Variants in STARD13 observed in about 807,000 individuals in gnomAD.
STARD13 encodes StAR related lipid transfer domain containing 13, also known as stAR-related lipid transfer protein 13.
In STARD13, 62 loss-of-function variants were observed where a neutral mutation model predicts 106.4. The observed-to-expected ratio is 0.58, with a 90% CI of 0.48 to 0.72. The LOEUF (loss-of-function observed/expected upper bound fraction) is 0.72, where lower values mean the gene tolerates loss of function less well. Among genes scored for constraint, STARD13 ranks in the 30% least tolerant of loss-of-function variants. STARD13 has a pLI of 0.00. For missense variants in STARD13, 1,387 were observed against 1,424.0 expected, an observed-to-expected ratio of 0.97 and a Z score of 0.42; for synonymous variants, 565 against 553.0, an observed-to-expected ratio of 1.02 and a Z score of -0.31.
At chr13:33,494,822 G>T in the STARD13 span, among the ~76,000 whole-genome samples, 1 of 152,100 alleles carries the variant, frequency 6.6e-6, no homozygotes, top group South Asian at 2.1e-4. Context: ...CTCTATAGAG[G>T]TCACAATGTC....
At chr13:33,223,702 G>A (rs1888475526) in intron 1 of STARD13, among the ~76,000 whole-genome samples, 1 of 152,000 alleles carries the variant, frequency 6.6e-6, no homozygotes, top group African/African-American at 2.4e-5. Context: ...AGTTAAAAGT[G>A]TGGGCTCTGG....
At chr13:33,322,317 A>C (rs1050083950) in intron 1 of STARD13, among the ~76,000 whole-genome samples, 1 of 152,244 alleles carries the variant, frequency 6.6e-6, no homozygotes, top group African/African-American at 2.4e-5. Flanking sequence ...TGAGCCTTCC[A>C]AACAATGCAA....
the STARD13 span, among the ~76,000 whole-genome samples, chr13:33,530,407 C>T: frequency 2.6e-5 from 4 of 152,158 alleles, no homozygotes; most frequent in East Asian, 1.9e-4. Context: ...CACTGAGATG[C>T]ATCTTTATGT....
At chr13:33,336,879 C>T (rs544495839) in intron 1 of STARD13, among the ~76,000 whole-genome samples, 3 of 151,818 alleles carry the variant, frequency 2.0e-5, no homozygotes, top group Non-Finnish European at 4.4e-5. Flanking sequence ...TTTCAATTGT[C>T]CAGAAATATC....
intron 1 of STARD13, among the ~76,000 whole-genome samples, chr13:33,257,794 G>A (rs1594176627): frequency 6.6e-6 from 1 of 152,284 alleles, no homozygotes; most frequent in East Asian, 1.9e-4. Flanking sequence ...TTCCACACAA[G>A]AGGGTAACAG....
downstream of STARD13, among the ~76,000 whole-genome samples, chr13:33,345,761 T>A (rs1768588905): frequency 1.3e-5 from 2 of 152,166 alleles, no homozygotes; most frequent in South Asian, 4.1e-4. Context: ...TATTTGAACA[T>A]CATTCATATC....
At chr13:33,195,496 C>T (rs187473633) in intron 1 of STARD13, among the ~76,000 whole-genome samples, 1 of 152,264 alleles carries the variant, frequency 6.6e-6, no homozygotes, top group Non-Finnish European at 1.5e-5. Context: ...GTGTGGTGTT[C>T]CAGCCACCTG....
intron 1 of STARD13, among the ~76,000 whole-genome samples, chr13:33,331,396 A>T (rs2077834486): frequency 6.6e-6 from 1 of 152,116 alleles, no homozygotes; most frequent in Non-Finnish European, 1.5e-5. Flanking sequence ...TTTGTTGTCC[A>T]GGCTGGAGTG....
chr13:33,674,015 A>G, the STARD13 span, among the ~76,000 whole-genome samples: 1 of 151,880 alleles, frequency 6.6e-6, no homozygotes, highest in Admixed American at 6.6e-5. Context: ...CATGCACCAC[A>G]TGCCCAGCTA....
chr13:33,156,183 G>T (rs1265618742), intron 3 of STARD13, among the ~76,000 whole-genome samples: 1 of 152,120 alleles, frequency 6.6e-6, no homozygotes, highest in Non-Finnish European at 1.5e-5. Context: ...TTCCAATTCC[G>T]AAAACTGCCC....
intron 1 of STARD13, among the ~76,000 whole-genome samples, chr13:33,305,854 TA>T (rs948829040): frequency 3.9e-5 from 6 of 152,188 alleles, no homozygotes; most frequent in African/African-American, 1.4e-4. Flanking sequence ...GAAGCACACA[TA>T]AAAATGAGAA....
At chr13:33,278,576 C>T (rs368282530) in intron 1 of STARD13, 1 of 152,112 alleles carries the variant, frequency 6.6e-6, no homozygotes, top group Admixed American at 6.5e-5. Flanking sequence ...TTGCAGTGTT[C>T]CCTTTATGAG....
chr13:33,161,032 A>G (rs2138334638), intron 3 of STARD13, among the ~76,000 whole-genome samples: 1 of 152,366 alleles, frequency 6.6e-6, no homozygotes, highest in Middle Eastern at 3.4e-3. Flanking sequence ...CAACTGGCTA[A>G]TGGATAAACA....
the STARD13 span, among the ~76,000 whole-genome samples, chr13:33,672,119 A>G: frequency 6.6e-6 from 1 of 152,238 alleles, no homozygotes; most frequent in East Asian, 1.9e-4. Flanking sequence ...AACCAACCCA[A>G]ATGCCCATCA....
chr13:33,485,271 C>T, the STARD13 span, among the ~76,000 whole-genome samples: 5 of 151,954 alleles, frequency 3.3e-5, no homozygotes, highest in African/African-American at 4.8e-5. Flanking sequence ...TTTTAATTAC[C>T]GAAGTGAAAT....
At chr13:33,443,888 C>CAA in the STARD13 span, among the ~76,000 whole-genome samples, 358 of 49,526 alleles carry the variant, frequency 7.2e-3, 2 homozygotes, top group African/African-American at 0.014. Context: ...GACTCAGTCT[C>CAA]AAAAAAAAAA....
chr13:33,329,675 G>A (rs1315896751), intron 1 of STARD13, among the ~76,000 whole-genome samples: 1 of 149,452 alleles, frequency 6.7e-6, no homozygotes, highest in South Asian at 2.1e-4. Context: ...GTGTGTGTGT[G>A]TGTGTGATTG....
At chr13:33,341,611 A>G in intron 1 of STARD13, among the ~76,000 whole-genome samples, 1 of 151,546 alleles carries the variant, frequency 6.6e-6, no homozygotes. Context: ...AAAAAAGAAG[A>G]AGAAAAAAAG....
chr13:33,457,622 C>T, the STARD13 span, among the ~76,000 whole-genome samples: 1 of 152,340 alleles, frequency 6.6e-6, no homozygotes, highest in Non-Finnish European at 1.5e-5. Flanking sequence ...TTCTTTCTCA[C>T]AGTCCGGGAG....
Sources: allele counts gnomAD v4.1 joint callset (sites outside exome capture counted in the v4.1 genomes callset), GRCh38; gene constraint gnomAD v4.1.1; transcripts MANE v1.5; gene names NCBI Gene and HGNC (gene_info 2026-07-23, HGNC 2026-07-21).